Variants in HOXC4 observed in about 807,000 individuals in gnomAD.
HOXC4 encodes the protein homeobox protein Hox-C4.
A neutral mutation model predicts 25.5 loss-of-function variants in HOXC4; 15 were observed. That is an observed-to-expected ratio of 0.59 (90% CI 0.39 to 0.91). HOXC4 has a LOEUF of 0.91. Ranked by LOEUF, HOXC4 falls within the 40% of genes least tolerant of loss-of-function variation. The pLI is 0.00. For missense variants in HOXC4, 342 were observed against 352.4 expected, an observed-to-expected ratio of 0.97 and a Z score of 0.24; for synonymous variants, 165 against 148.0, an observed-to-expected ratio of 1.11 and a Z score of -0.83.
rs778427054 is a variant in HOXC4 at position 54,054,178 on chromosome 12, G to A, written c.256G>A (p.Ala86Thr). Reference sequence around the variant, plus strand: ...TTCGCGAGGCCACGGGCCGGCCCAGGCGGGCCACCACCACCCCGAGAAATC... The same window carrying A: ...TTCGCGAGGCCACGGGCCGGCCCAGACGGGCCACCACCACCCCGAGAAATC... ...GNSRGHGPAQ[A>T]GHHHPEKSQS... The change falls in exon 1 of 2, where the codon GCG (alanine) becomes ACG (threonine). Residue 86 changes from alanine to threonine, a missense_variant. Ala to Thr is a moderately conservative substitution (Grantham distance 58). Transcript: ENST00000430889. The A allele has an allele frequency of 1.2e-6, 2 of 1,613,584 alleles. No homozygotes were observed. Among genetic ancestry groups the A allele is most frequent in the East Asian group, 4.5e-5 (2 of 44,862 alleles).
chr12:54,049,753 C>T (rs1592247453), upstream of HOXC4, among the ~76,000 whole-genome samples: 2 of 40,970 alleles, frequency 4.9e-5, no homozygotes, highest in African/African-American at 2.9e-4. Flanking sequence ...CACATACACA[C>T]ACACACACAC....
At chr12:54,052,054 T>G (rs531433753), upstream of HOXC4, among the ~76,000 whole-genome samples, 281 of 152,318 alleles carry the variant, frequency 1.8e-3, no homozygotes, top group Middle Eastern at 0.014. Context: ...TAAAAGGTAC[T>G]TATTCAAGTG....
chr12:54,031,467 A>G (rs1940984948), intron 1 of HOXC4, among the ~76,000 whole-genome samples: 1 of 152,204 alleles, frequency 6.6e-6, no homozygotes, highest in Non-Finnish European at 1.5e-5. Context: ...CTTCTTCATT[A>G]CAGCTCCAGC....
chr12:54,053,828 T>C, upstream of HOXC4: 4 of 946,340 alleles, frequency 4.2e-6, no homozygotes, highest in Non-Finnish European at 6.5e-6. Flanking sequence ...AGTCACATGG[T>C]GAAAGTAACT....
chr12:54,020,232 ACT>A (rs1439348460), intron 1 of HOXC4: 2 of 151,996 alleles, frequency 1.3e-5, no homozygotes, highest in Non-Finnish European at 1.5e-5. Flanking sequence ...TGGCTCAAGG[ACT>A]CTGCACACCC....
intron 1 of HOXC4, among the ~76,000 whole-genome samples, chr12:54,025,397 T>C (rs1940645057): frequency 6.6e-6 from 1 of 152,096 alleles, no homozygotes; most frequent in Non-Finnish European, 1.5e-5. Flanking sequence ...TAATCCAATG[T>C]AGGGAAGATC....
chr12:54,050,838 A>G (rs1937827297), upstream of HOXC4, among the ~76,000 whole-genome samples: 1 of 152,210 alleles, frequency 6.6e-6, no homozygotes, highest in Admixed American at 6.5e-5. Context: ...TGAAAACTCT[A>G]CATATTTATA....
intron 1 of HOXC4, among the ~76,000 whole-genome samples, chr12:54,040,415 G>C (rs1941253379): frequency 6.6e-6 from 1 of 152,092 alleles, no homozygotes. Flanking sequence ...TTAGCTCCTG[G>C]GTTTATCCTA....
intron 1 of HOXC4, chr12:54,034,473 A>G: frequency 6.2e-7 from 1 of 1,614,116 alleles, no homozygotes; most frequent in Non-Finnish European, 8.5e-7. Context: ...TCCAAAATGA[A>G]AAGCAAAGAG....
intron 1 of HOXC4, among the ~76,000 whole-genome samples, chr12:54,040,116 G>T (rs1413424292): frequency 6.6e-6 from 1 of 152,134 alleles, no homozygotes; most frequent in Non-Finnish European, 1.5e-5. Context: ...CGCAAAGGAG[G>T]CCTGAAATTC....
chr12:54,046,469 A>C (rs989928543), intron 1 of HOXC4, among the ~76,000 whole-genome samples: 7 of 151,844 alleles, frequency 4.6e-5, no homozygotes, highest in Non-Finnish European at 8.8e-5. Flanking sequence ...GTTGTGGCCA[A>C]CTCAAGTGTC....
chr12:54,043,693 T>C (rs1179424308), intron 1 of HOXC4, among the ~76,000 whole-genome samples: 2 of 151,426 alleles, frequency 1.3e-5, no homozygotes, highest in African/African-American at 4.8e-5. Context: ...GCAGCCAGGC[T>C]TTCTGTGATC....
At chr12:54,030,949 G>GCCCAGGCGCCCGGCC (rs2136441915) in intron 1 of HOXC4, 1 of 152,438 alleles carries the variant, frequency 6.6e-6, no homozygotes, top group African/African-American at 2.4e-5. Flanking sequence ...CTTCCCCGGA[G>GCCCAGGCGCCCGGCC]CCCAGGCGCC....
At chr12:54,046,449 C>T (rs1937707184) in intron 1 of HOXC4, among the ~76,000 whole-genome samples, 1 of 152,006 alleles carries the variant, frequency 6.6e-6, no homozygotes, top group African/African-American at 2.4e-5. Context: ...GGTCAGGGGA[C>T]AGGGAGAAGG....
chr12:54,031,291 G>C (rs1022546542), intron 1 of HOXC4, among the ~76,000 whole-genome samples: 4 of 152,234 alleles, frequency 2.6e-5, no homozygotes, highest in African/African-American at 9.6e-5. Context: ...CGCCAAGCTG[G>C]CTGTTGCGAA....
At chr12:54,040,366 C>A (rs1375709643) in intron 1 of HOXC4, among the ~76,000 whole-genome samples, 4 of 152,218 alleles carry the variant, frequency 2.6e-5, no homozygotes, top group Non-Finnish European at 4.4e-5. Context: ...TCCCATCCGG[C>A]CCTGTTCCTT....
Position 54,055,183 on chromosome 12 carries a change from C to A in HOXC4, c.773C>A (p.Ala258Glu). The A allele has an allele frequency of 6.2e-7, 1 of 1,606,834 alleles. No homozygotes were observed. Among genetic ancestry groups the A allele is most frequent in the Non-Finnish European group, 8.5e-7 (1 of 1,176,116 alleles). ...GCCACGCCGCCGGAGCAGCAACGGG[C>A]AGAGGACATTACCAGGTTATAAAAC... ...QSATPPEQQR[A>E]EDITRL Residue 258 changes from alanine to glutamate, a missense_variant, in exon 2 of 2, where the codon GCA becomes GAA. Ala to Glu is a moderately radical substitution (Grantham distance 107, BLOSUM62 -1). Coordinates refer to ENST00000430889, the MANE Select transcript of HOXC4 (RefSeq NM_153633.3).
At chr12:54,048,310 T>C (rs572553284) in intron 1 of HOXC4, among the ~76,000 whole-genome samples, 8 of 152,174 alleles carry the variant, frequency 5.3e-5, no homozygotes, top group Non-Finnish European at 1.2e-4. Context: ...AAGTTCTTTC[T>C]CACAGAGGTT....
rs1941060005 is a variant in HOXC4 at position 54,033,308 on chromosome 12, C to T, written c.-124+15894C>T. ...CTTCCAACTCTCTCCACGGGGTAGA[C>T]ATGGCTGCCAACCCCCGGGCTCACC... On this transcript the variant is annotated intron_variant, in intron 1 of 3. Transcript: ENST00000303406. 1.9e-6 allele frequency: 3 copies of T among 1,614,124 alleles called. No homozygotes were observed. In the East Asian group the frequency reaches 6.7e-5, roughly 36 times the overall value.
Sources: allele counts gnomAD v4.1 joint callset (sites outside exome capture counted in the v4.1 genomes callset), GRCh38; gene constraint gnomAD v4.1.1; transcripts MANE v1.5; gene names NCBI Gene and HGNC (gene_info 2026-07-23, HGNC 2026-07-21).